ABTB2: variants seen among roughly 807,000 people sequenced by gnomAD.
The protein encoded by ABTB2 is ankyrin repeat and BTB domain containing 2.
In ABTB2, 56 loss-of-function variants were observed where a neutral mutation model predicts 104.1. The ratio of observed to expected loss-of-function variants is 0.54; its 90% CI spans 0.43 to 0.67. ABTB2 has a LOEUF of 0.67. Ranked by LOEUF, ABTB2 falls within the 30% of genes least tolerant of loss-of-function variation. The pLI is 0.00. For missense variants in ABTB2, 1,279 were observed against 1,407.7 expected (o/e 0.91, Z 1.46); for synonymous variants, 606 against 608.2 (o/e 1.00, Z 0.05).
intron 1 of ABTB2, among the ~76,000 whole-genome samples, chr11:34,290,200 A>C (rs888795816): frequency 9.9e-5 from 15 of 152,234 alleles, no homozygotes; most frequent in Admixed American, 5.9e-4. Flanking sequence ...AACTACAGCA[A>C]GTGTCTTTCT....
intron 1 of ABTB2, among the ~76,000 whole-genome samples, chr11:34,237,541 T>C (rs1202504889): frequency 6.6e-6 from 1 of 152,212 alleles, no homozygotes; most frequent in East Asian, 1.9e-4. Flanking sequence ...TCTTAAAGGG[T>C]AGTCTCATTT....
Position 34,252,129 on chromosome 11 carries a change from C to T in ABTB2, c.884-47439G>A, listed in dbSNP as rs920495221. On this transcript the variant is annotated intron_variant, in intron 1 of 16. Transcript: ENST00000435224. The surrounding 1 kb of genome is among the most constrained non-coding windows in gnomAD (Gnocchi z 5.5). ...CCCGGATGGTGGTTCGGAGTTCATG[C>T]TCCAGGGGTTCATGAGGCTGAGCTG... Among the ~76,000 whole-genome samples, 3 of 152,166 alleles carry T rather than the reference C, an allele frequency of 2.0e-5. No homozygotes were observed. The highest frequency in any genetic ancestry group is 7.2e-5 in the African/African-American group (3 of 41,448).
chr11:34,202,217 C>G (rs1474646108), intron 2 of ABTB2, among the ~76,000 whole-genome samples: 1 of 152,156 alleles, frequency 6.6e-6, no homozygotes. Flanking sequence ...GAGTGTGGTA[C>G]TCATGGAAGG....
chr11:34,329,605 C>T (rs1855106579), intron 1 of ABTB2, among the ~76,000 whole-genome samples: 1 of 152,216 alleles, frequency 6.6e-6, no homozygotes, highest in Non-Finnish European at 1.5e-5. Flanking sequence ...TTTGAGCTAT[C>T]ACAAGAAGCC....
chr11:34,201,428 A>G lies in ABTB2; in HGVS notation c.1030+3116T>C, dbSNP rs558339295. The stretch of plus-strand genomic sequence containing the variant: ...GAACATCTGGCTCCCTTCAAAAAGA[A>G]GTGTTTTGTTTTATTTTGTATTCTC... On this transcript the variant is annotated intron_variant, in intron 2 of 16. Coordinates refer to ENST00000435224, the MANE Select transcript of ABTB2 (RefSeq NM_145804.3). Among the ~76,000 whole-genome samples, 3 of 152,302 alleles carry G rather than the reference A, an allele frequency of 2.0e-5. No individual in the cohort carries two copies. In the East Asian group the frequency reaches 5.8e-4, roughly 29 times the overall value.
chr11:34,246,639 T>A (rs1853987559), intron 1 of ABTB2, among the ~76,000 whole-genome samples: 1 of 147,682 alleles, frequency 6.8e-6, no homozygotes, highest in Admixed American at 6.7e-5. Context: ...ACAAATCTTG[T>A]CTCCCTGGAC....
At chr11:34,276,127 G>T (rs543283169) in intron 1 of ABTB2, among the ~76,000 whole-genome samples, 2 of 152,100 alleles carry the variant, frequency 1.3e-5, no homozygotes, top group South Asian at 4.2e-4. Flanking sequence ...TGTTTCTTAG[G>T]GGGGACTTCT....
chr11:34,201,124 G>A (rs923617713), intron 2 of ABTB2, among the ~76,000 whole-genome samples: 1 of 152,168 alleles, frequency 6.6e-6, no homozygotes, highest in African/African-American at 2.4e-5. Flanking sequence ...GTTTGAGAAG[G>A]CCTGATGCAG....
intron 1 of ABTB2, among the ~76,000 whole-genome samples, chr11:34,218,044 T>A (rs190454148): frequency 1.3e-5 from 2 of 152,374 alleles, no homozygotes; most frequent in African/African-American, 4.8e-5. Context: ...ACAGATGATG[T>A]TGAACATTTT....
At chr11:34,202,281 G>A (rs1853351791) in intron 2 of ABTB2, among the ~76,000 whole-genome samples, 1 of 152,190 alleles carries the variant, frequency 6.6e-6, no homozygotes, top group African/African-American at 2.4e-5. Flanking sequence ...AAGGACCAAT[G>A]TACTTGAGGA....
chr11:34,166,275 A>G lies in ABTB2; in HGVS notation c.1756-919T>C, dbSNP rs185936820. On this transcript the variant is annotated intron_variant, in intron 7 of 16. Transcript: ENST00000435224. ...ACCTCTCAGTCCCATGGACTGTGGC[A>G]TGGAGGACAGACATCACTGGAGATG... Among the ~76,000 whole-genome samples, 381 of 152,360 alleles carry G rather than the reference A, an allele frequency of 2.5e-3. 1 individual carries two copies. Among genetic ancestry groups the G allele is most frequent in the African/African-American group, 8.5e-3 (355 of 41,590 alleles).
chr11:34,248,096 TAAAAAAAA>T (rs1157412906), intron 1 of ABTB2, among the ~76,000 whole-genome samples: 2 of 116,234 alleles, frequency 1.7e-5, no homozygotes, highest in Non-Finnish European at 3.6e-5. Context: ...TAATTTTTCT[TAAAAAAAA>T]AAAAAAAAAA....
intron 1 of ABTB2, among the ~76,000 whole-genome samples, chr11:34,334,833 C>A (rs566064964): frequency 4.6e-5 from 7 of 151,704 alleles, no homozygotes; most frequent in Middle Eastern, 6.3e-3. Context: ...AAAACTGAGG[C>A]CTTTTTCCAA....
chr11:34,183,443 G>A (rs115512809), intron 3 of ABTB2, among the ~76,000 whole-genome samples: 1,566 of 152,306 alleles, frequency 0.01, 35 homozygotes, highest in African/African-American at 0.036. Context: ...GCCAGCACTG[G>A]GACTACCGGG....
intron 1 of ABTB2, among the ~76,000 whole-genome samples, chr11:34,318,568 G>C (rs897877695): frequency 1.3e-5 from 2 of 152,306 alleles, no homozygotes; most frequent in South Asian, 4.1e-4. Flanking sequence ...GCTCGTGGCA[G>C]GGCCAGGATG....
rs1225301988 is a variant in ABTB2 at position 34,160,945 on chromosome 11, G to A, written c.2355C>T (p.Thr785=). 6.8e-6 allele frequency: 11 copies of A among 1,612,690 alleles called. No homozygotes were observed. Among genetic ancestry groups the A allele is most frequent in the South Asian group, 1.1e-5 (1 of 91,026 alleles). The change falls in exon 11 of 17, where the codon ACC becomes ACT. Residue 785 remains threonine (T), a synonymous_variant. Coordinates refer to ENST00000435224, the MANE Select transcript of ABTB2 (RefSeq NM_145804.3). ...REEEYNEELV[T]EGLQLMFDIL... ...TGTCGAACATGAGCTGCAAGCCCTCGGTCACCAGCTCCTCGTTGTACTCCT... is the reference window on the plus strand; with the variant it reads ...TGTCGAACATGAGCTGCAAGCCCTCAGTCACCAGCTCCTCGTTGTACTCCT...
At chr11:34,214,830 A>G (rs539045006) in intron 1 of ABTB2, among the ~76,000 whole-genome samples, 1 of 152,316 alleles carries the variant, frequency 6.6e-6, no homozygotes, top group African/African-American at 2.4e-5. Flanking sequence ...TACAATTATT[A>G]TGAGCTCATG....
At chr11:34,172,006 T>C (rs1227111584) in intron 4 of ABTB2, among the ~76,000 whole-genome samples, 1 of 152,056 alleles carries the variant, frequency 6.6e-6, no homozygotes, top group Non-Finnish European at 1.5e-5. Context: ...AAAATTCATG[T>C]CCTAGAATGG....
chr11:34,309,589 C>T (rs147783775), intron 1 of ABTB2, among the ~76,000 whole-genome samples: 21 of 152,108 alleles, frequency 1.4e-4, no homozygotes, highest in African/African-American at 4.3e-4. Context: ...ATGAAAGAAA[C>T]GTGGCCACGA....
Sources: allele counts gnomAD v4.1 joint callset (sites outside exome capture counted in the v4.1 genomes callset), GRCh38; gene constraint gnomAD v4.1.1; non-coding constraint Gnocchi (gnomAD v3.1); transcripts MANE v1.5; gene names NCBI Gene and HGNC (gene_info 2026-07-23, HGNC 2026-07-21).